Variants in TBL1XR1 observed in about 807,000 individuals in gnomAD.
TBL1XR1 encodes the protein F-box-like/WD repeat-containing protein TBL1XR1.
In TBL1XR1, 5 loss-of-function variants were observed where a neutral mutation model predicts 66.9. That is an observed-to-expected ratio of 0.07 (90% CI 0.04 to 0.16). TBL1XR1 has a LOEUF of 0.16. Among genes scored for constraint, TBL1XR1 ranks in the 10% least tolerant of loss-of-function variants. The pLI, the probability that TBL1XR1 is intolerant of heterozygous loss-of-function variation, is 1.00. For missense variants in TBL1XR1, 238 were observed against 623.2 expected, an observed-to-expected ratio of 0.38 and a Z score of 6.58; for synonymous variants, 210 against 206.0, an observed-to-expected ratio of 1.02 and a Z score of -0.17.
At chr3:177,194,927 A>G (rs1033956034) in intron 1 of TBL1XR1, among the ~76,000 whole-genome samples, 2 of 151,504 alleles carry the variant, frequency 1.3e-5, no homozygotes, top group African/African-American at 4.9e-5. Flanking sequence ...TGTCTCCCAC[A>G]TTAATACCCA....
intron 1 of TBL1XR1, among the ~76,000 whole-genome samples, chr3:177,114,159 A>G (rs1284245801): frequency 6.6e-6 from 1 of 151,878 alleles, no homozygotes; most frequent in East Asian, 1.9e-4. Context: ...CTATGGGGTA[A>G]TGCATTTATT....
chr3:177,060,744 T>C (rs1718415010), intron 3 of TBL1XR1, among the ~76,000 whole-genome samples: 1 of 152,216 alleles, frequency 6.6e-6, no homozygotes, highest in East Asian at 1.9e-4. Flanking sequence ...GCCTCTAAAA[T>C]TAACACTGTA....
chr3:177,069,614 C>A (rs1410521993), intron 2 of TBL1XR1, among the ~76,000 whole-genome samples: 1 of 151,976 alleles, frequency 6.6e-6, no homozygotes, highest in African/African-American at 2.4e-5. Context: ...TGGCGCAGGC[C>A]TGTAATCTCA....
chr3:177,086,520 A>G (rs1722140195), intron 2 of TBL1XR1, among the ~76,000 whole-genome samples: 1 of 152,124 alleles, frequency 6.6e-6, no homozygotes, highest in African/African-American at 2.4e-5. Context: ...GGGGTAATGA[A>G]AGTGTCTGCT....
intron 2 of TBL1XR1, among the ~76,000 whole-genome samples, chr3:177,085,694 G>C (rs1175984154): frequency 6.6e-6 from 1 of 152,128 alleles, no homozygotes; most frequent in Non-Finnish European, 1.5e-5. Context: ...CTGAATAAGA[G>C]ATTACATATA....
chr3:177,121,087 G>A lies in TBL1XR1; in HGVS notation c.-121-22546C>T, dbSNP rs990342660. Among the ~76,000 whole-genome samples the A allele has an allele frequency of 2.0e-4, 30 of 152,148 alleles. 1 individual carries two copies. Reference sequence around the variant, plus strand: ...CTCAGGACTCCTGATTCTTGGTCCAGAATTAGTTCCATTATAACCTACGGC... The same window carrying A: ...CTCAGGACTCCTGATTCTTGGTCCAAAATTAGTTCCATTATAACCTACGGC... On this transcript the variant is annotated intron_variant, in intron 1 of 15. Coordinates refer to ENST00000457928, the MANE Select transcript of TBL1XR1 (RefSeq NM_024665.7).
At chr3:177,039,443 T>C (rs1715271401) in intron 10 of TBL1XR1, among the ~76,000 whole-genome samples, 2 of 152,228 alleles carry the variant, frequency 1.3e-5, no homozygotes, top group Non-Finnish European at 2.9e-5. Flanking sequence ...CAAATAATTT[T>C]CTTCTAAGCA....
intron 1 of TBL1XR1, among the ~76,000 whole-genome samples, chr3:177,133,188 G>A (rs753084188): frequency 3.9e-5 from 6 of 152,156 alleles, no homozygotes; most frequent in South Asian, 2.1e-4. Flanking sequence ...TCAGGAGGCT[G>A]AGGCACAAGA....
intron 2 of TBL1XR1, among the ~76,000 whole-genome samples, chr3:177,098,159 C>T (rs1456857146): frequency 6.6e-6 from 1 of 151,946 alleles, no homozygotes; most frequent in African/African-American, 2.4e-5. Context: ...TTGCAGTGAG[C>T]GGAGATCACG....
chr3:177,036,152 G>C (rs748339335), intron 12 of TBL1XR1, among the ~76,000 whole-genome samples: 1 of 152,200 alleles, frequency 6.6e-6, no homozygotes, highest in Non-Finnish European at 1.5e-5. Context: ...AGTTTTCCAA[G>C]AAGATATGTG....
chr3:177,034,336 A>C lies in TBL1XR1; in HGVS notation c.1123-11T>G, dbSNP rs759140533. 2.0e-6 allele frequency: 3 copies of C among 1,514,230 alleles called. No individual in the cohort carries two copies. The African/African-American group carries it at 4.3e-5, about 22-fold the overall frequency. The allele number at this position is 1,514,230 out of a possible 1,614,324, so 93.8% of individuals were successfully genotyped here. A position where few individuals can be genotyped will look rare whatever the true frequency, so the allele number is the denominator to read the frequency against. On this transcript the variant is annotated splice_polypyrimidine_tract_variant and intron_variant, in intron 12 of 15. Coordinates refer to ENST00000457928, the MANE Select transcript of TBL1XR1 (RefSeq NM_024665.7). ...TTTCATACTCCATATCTAAACAAAAAAGAAAAATGTATACAATTATTTTTC... is the reference window on the plus strand; with the variant it reads ...TTTCATACTCCATATCTAAACAAAACAGAAAAATGTATACAATTATTTTTC...
chr3:177,117,811 T>A (rs1726488420), intron 1 of TBL1XR1, among the ~76,000 whole-genome samples: 1 of 152,080 alleles, frequency 6.6e-6, no homozygotes, highest in Non-Finnish European at 1.5e-5. Flanking sequence ...AAACTGGCGA[T>A]TTCTTTCCAA....
At chr3:177,117,178 T>C (rs1162432210) in intron 1 of TBL1XR1, among the ~76,000 whole-genome samples, 1 of 152,206 alleles carries the variant, frequency 6.6e-6, no homozygotes, top group Non-Finnish European at 1.5e-5. Flanking sequence ...TCACAACCAA[T>C]AATCTATAGT....
chr3:177,171,231 T>C (rs1371613119), intron 1 of TBL1XR1, among the ~76,000 whole-genome samples: 2 of 151,760 alleles, frequency 1.3e-5, no homozygotes, highest in African/African-American at 4.8e-5. Context: ...TCCCAGCTAC[T>C]CGGGAGACTG....
intron 1 of TBL1XR1, among the ~76,000 whole-genome samples, chr3:177,109,823 G>A (rs1379357835): frequency 1.3e-5 from 2 of 152,052 alleles, no homozygotes; most frequent in Non-Finnish European, 2.9e-5. Context: ...AAAGTAGGAT[G>A]GTCAGAGCCA....
chr3:177,047,230 T>C (rs1716448190), intron 9 of TBL1XR1, 70 bp downstream of exon 9: 2 of 1,310,046 alleles, frequency 1.5e-6, no homozygotes, highest in Non-Finnish European at 2.1e-6. Flanking sequence ...AATTGGCAGC[T>C]AAGACAAAAT....
At chr3:177,076,548 T>C (rs1720728289) in intron 2 of TBL1XR1, among the ~76,000 whole-genome samples, 1 of 152,202 alleles carries the variant, frequency 6.6e-6, no homozygotes, top group African/African-American at 2.4e-5. Flanking sequence ...GAGGATACAA[T>C]TCAATCTATA....
rs1340001541 is a variant in TBL1XR1, at chr3:177,025,522, A to G, written c.1521T>C (p.Val507=). Residue 507 remains valine, a splice_region_variant and synonymous_variant, in exon 16 of 16, where the codon GTT becomes GTC. Transcript: ENST00000457928. The part of the protein sequence containing the change: ...KVGASASDGS[V]CVLDLRK Reference sequence around the variant, plus strand: ...GCTATTTCCGAAGGTCTAATACACAAACCTGTAAGAAATTAAAATAATCAA... The same window carrying G: ...GCTATTTCCGAAGGTCTAATACACAGACCTGTAAGAAATTAAAATAATCAA... 2 of 1,612,644 alleles carry G rather than the reference A, an allele frequency of 1.2e-6. No individual in the cohort carries two copies. The highest frequency in any genetic ancestry group is 1.7e-6 in the Non-Finnish European group (2 of 1,179,376).
intron 1 of TBL1XR1, among the ~76,000 whole-genome samples, chr3:177,147,486 G>A (rs1012910630): frequency 2.0e-5 from 3 of 152,210 alleles, no homozygotes; most frequent in Non-Finnish European, 4.4e-5. Flanking sequence ...TCAACACAGT[G>A]AAAGAAAGTA....
Sources: allele counts gnomAD v4.1 joint callset (sites outside exome capture counted in the v4.1 genomes callset), GRCh38; gene constraint gnomAD v4.1.1; transcripts MANE v1.5; gene names NCBI Gene and HGNC (gene_info 2026-07-23, HGNC 2026-07-21).